C8orf76: variants seen among roughly 807,000 people sequenced by gnomAD.
C8orf76 encodes uncharacterized protein C8orf76.
Under a neutral mutation model 38.1 loss-of-function variants are expected in C8orf76, and 46 were observed. That is an observed-to-expected ratio of 1.21 (90% CI 0.95 to 1.54). C8orf76 has a LOEUF of 1.54. Among genes scored for constraint, C8orf76 ranks in the 40% most tolerant of loss-of-function variants. The pLI, the probability that C8orf76 is intolerant of heterozygous loss-of-function variation, is 0.00. For missense variants in C8orf76, 461 were observed against 441.6 expected, an observed-to-expected ratio of 1.04 and a Z score of -0.39; for synonymous variants, 166 against 167.5, an observed-to-expected ratio of 0.99 and a Z score of 0.07.
intron 3 of C8orf76, among the ~76,000 whole-genome samples, chr8:123,235,807 C>T (rs1017581218): frequency 6.6e-6 from 1 of 152,076 alleles, no homozygotes; most frequent in South Asian, 2.1e-4. Flanking sequence ...ATCCAGCTGC[C>T]ACTACCTTCA....
intron 4 of C8orf76, among the ~76,000 whole-genome samples, chr8:123,228,080 C>G (rs1402777430): frequency 6.6e-6 from 1 of 152,204 alleles, no homozygotes. Flanking sequence ...AAGGCACCAC[C>G]ATCCACCTGT....
At chr8:123,224,470 G>C (rs971470032) in intron 5 of C8orf76, among the ~76,000 whole-genome samples, 3 of 152,128 alleles carry the variant, frequency 2.0e-5, no homozygotes, top group African/African-American at 7.2e-5. Flanking sequence ...AAATTAGCTG[G>C]ACATGGTGGT....
intron 3 of C8orf76, among the ~76,000 whole-genome samples, chr8:123,236,231 C>T (rs1055928683): frequency 6.6e-6 from 1 of 152,160 alleles, no homozygotes; most frequent in African/African-American, 2.4e-5. Context: ...TGTGTGCATA[C>T]GTTAGGCTGA....
intron 3 of C8orf76, among the ~76,000 whole-genome samples, chr8:123,236,228 A>G (rs1586810328): frequency 6.6e-6 from 1 of 152,228 alleles, no homozygotes; most frequent in Admixed American, 6.5e-5. Context: ...AATTGTGTGC[A>G]TACGTTAGGC....
At chr8:123,237,102 A>C in intron 3 of C8orf76, 1 of 1,021,444 alleles carries the variant, frequency 9.8e-7, no homozygotes, top group Non-Finnish European at 1.5e-6. Flanking sequence ...CAGAAATACA[A>C]CTACAACAAG....
Position 123,239,155 on chromosome 8 carries a change from T to C in C8orf76, c.118-11A>G, listed in dbSNP as rs780765120. 4 of 1,613,486 alleles carry C rather than the reference T, an allele frequency of 2.5e-6. No individual in the cohort carries two copies. Among genetic ancestry groups the C allele is most frequent in the African/African-American group, 2.7e-5 (2 of 74,928 alleles). Reference sequence around the variant, plus strand: ...TTCTTCATAAAACCACTTGAAATCATGAAAATAGCCTATTACAGAGTGAGC... The same window carrying C: ...TTCTTCATAAAACCACTTGAAATCACGAAAATAGCCTATTACAGAGTGAGC... On this transcript the variant is annotated splice_polypyrimidine_tract_variant and intron_variant, in intron 1 of 5. Coordinates refer to ENST00000276704, the MANE Select transcript of C8orf76 (RefSeq NM_032847.3).
chr8:123,229,334 T>C (rs912515334), intron 4 of C8orf76, among the ~76,000 whole-genome samples: 4 of 152,224 alleles, frequency 2.6e-5, no homozygotes, highest in African/African-American at 7.2e-5. Context: ...CTGATCCATC[T>C]AGTGGGATCC....
intron 4 of C8orf76, among the ~76,000 whole-genome samples, chr8:123,227,574 G>C (rs932244143): frequency 4.6e-5 from 7 of 152,140 alleles, no homozygotes; most frequent in Admixed American, 4.6e-4. Context: ...GGCAAGCTAC[G>C]AGCTACCTGA....
At chr8:123,233,848 G>T (rs921598038) in intron 3 of C8orf76, among the ~76,000 whole-genome samples, 1 of 151,844 alleles carries the variant, frequency 6.6e-6, no homozygotes, top group Non-Finnish European at 1.5e-5. Flanking sequence ...CTAACATGGC[G>T]AAACCCCATC....
Position 123,226,326 on chromosome 8 carries a change from G to A in C8orf76, c.948+174C>T, listed in dbSNP as rs1460108194. 3.4e-6 allele frequency: 5 copies of A among 1,457,254 alleles called. No individual in the cohort carries two copies. The Admixed American group carries it at 1.2e-4, about 35-fold the overall frequency. The allele number at this position is 1,457,254 out of a possible 1,614,324, so 90.3% of individuals were successfully genotyped here. A position where few individuals can be genotyped will look rare whatever the true frequency, so the allele number is the denominator to read the frequency against. Reference sequence around the variant, plus strand: ...CCCTGCGGTCCCGCACGCTGCAGGGGAATGCCGATCAAGAGGCCGCCTTGG... The same window carrying A: ...CCCTGCGGTCCCGCACGCTGCAGGGAAATGCCGATCAAGAGGCCGCCTTGG... On this transcript the variant is annotated intron_variant, in intron 5 of 5. Transcript: ENST00000276704.
rs1824862314 is a variant in C8orf76, at chr8:123,220,163, G to C, written c.1083C>G (p.Ile361Met). Reference sequence around the variant, plus strand: ...TTTCAAATGGACAGAAATGGTCTTTGATCTTTCTGAACCACTTGTCTTCAA... The same window carrying C: ...TTTCAAATGGACAGAAATGGTCTTTCATCTTTCTGAACCACTTGTCTTCAA... ...EEFEDKWFRKIKDHFCPFENQ... is the reference protein window; with the variant it reads ...EEFEDKWFRKMKDHFCPFENQ... Residue 361 changes from isoleucine (I) to methionine (M), a missense_variant, in exon 6 of 6, where the codon ATC (isoleucine) becomes ATG (methionine). Physicochemically the swap from Ile to Met is conservative, Grantham distance 10 (BLOSUM62 1). Coordinates refer to ENST00000276704, the MANE Select transcript of C8orf76 (RefSeq NM_032847.3). 3 of 1,613,750 alleles carry C rather than the reference G, an allele frequency of 1.9e-6. No individual in the cohort carries two copies. The highest frequency in any genetic ancestry group is 1.7e-5 in the Admixed American group (1 of 59,946).
In C8orf76 at chr8:123,231,643, A is replaced by T; in HGVS notation, c.472T>A (p.Ser158Thr). 1 of 1,614,228 alleles carries T rather than the reference A, an allele frequency of 6.2e-7. No homozygotes were observed. Among genetic ancestry groups the T allele is most frequent in the Non-Finnish European group, 8.5e-7 (1 of 1,180,050 alleles). ...KTIFCLQKLI[S>T]LHPFNPWNWG... ...TTCCAAGGATTAAAAGGATGCAAAG[A>T]AATCAGTTTCTGCAGGCAGAAAATT... Residue 158 changes from serine to threonine, a missense_variant, in exon 4 of 6, where the codon TCT (serine) becomes ACT (threonine). Transcript: ENST00000276704.
chr8:123,224,960 G>C (rs1471516238), intron 5 of C8orf76, among the ~76,000 whole-genome samples: 1 of 152,140 alleles, frequency 6.6e-6, no homozygotes, highest in Non-Finnish European at 1.5e-5. Context: ...AAGCTTCCTG[G>C]AGGATGTGGA....
chr8:123,231,843 T>C lies in C8orf76; in HGVS notation c.358-86A>G, dbSNP rs1181345627. Reference sequence around the variant, plus strand: ...AGAATGCCTAAAAAACCAAGTTGTATATGTTATAAATTAGAAGTATCTTTC... The same window carrying C: ...AGAATGCCTAAAAAACCAAGTTGTACATGTTATAAATTAGAAGTATCTTTC... On this transcript the variant is annotated intron_variant, in intron 3 of 5. Transcript: ENST00000276704. 4.4e-6 allele frequency: 6 copies of C among 1,373,568 alleles called. No individual in the cohort carries two copies. In the African/African-American group the frequency reaches 8.8e-5, roughly 20 times the overall value. The allele number at this position is 1,373,568 out of a possible 1,614,324, so 85.1% of individuals were successfully genotyped here.
At chr8:123,237,515 A>G (rs1000824727) in intron 3 of C8orf76, among the ~76,000 whole-genome samples, 8 of 152,210 alleles carry the variant, frequency 5.3e-5, no homozygotes, top group Non-Finnish European at 1.2e-4. Context: ...TAGTCCTTCC[A>G]CACTGAATGT....
rs145333438 is a variant in C8orf76, at chr8:123,221,233, A to G, written c.949-936T>C. 1.2e-4 allele frequency among the ~76,000 whole-genome samples: 18 copies of G among 152,340 alleles called. No individual in the cohort carries two copies. In the East Asian group the frequency reaches 2.5e-3, roughly 21 times the overall value. On this transcript the variant is annotated intron_variant, in intron 5 of 5. Transcript: ENST00000276704. ...CTTCACTAGGCAACAGTCAGTATTT[A>G]CTAAAGCCTGGTATTTCACCAGTTC... is the stretch of plus-strand genomic sequence containing the variant.
intron 3 of C8orf76, chr8:123,237,123 GC>G: frequency 3.2e-6 from 3 of 926,390 alleles, no homozygotes; most frequent in Non-Finnish European, 5.3e-6. Flanking sequence ...ATGATCTGCC[GC>G]AAGTGCTGTG....
intron 3 of C8orf76, 135 bp downstream of exon 3, chr8:123,237,663 C>T: frequency 8.1e-7 from 1 of 1,237,006 alleles, no homozygotes; most frequent in Non-Finnish European, 1.1e-6. Flanking sequence ...ACTCTCACAC[C>T]CCTGACAATT....
intron 1 of C8orf76, among the ~76,000 whole-genome samples, chr8:123,240,221 T>TA (rs2131168568): frequency 6.6e-6 from 1 of 152,312 alleles, no homozygotes; most frequent in Non-Finnish European, 1.5e-5. Context: ...TCCTATCTCA[T>TA]AACCAGAGTT....
Sources: allele counts gnomAD v4.1 joint callset (sites outside exome capture counted in the v4.1 genomes callset), GRCh38; gene constraint gnomAD v4.1.1; transcripts MANE v1.5; gene names NCBI Gene and HGNC (gene_info 2026-07-23, HGNC 2026-07-21).